Variants in PRH1 observed in about 807,000 individuals in gnomAD.
PRH1 encodes the protein proline rich protein HaeIII subfamily 1.
PRH1 carries 7 observed loss-of-function variants against 7.9 expected under a neutral mutation model. The ratio of observed to expected loss-of-function variants is 0.89; its 90% CI spans 0.50 to 1.67. The LOEUF is 1.67. Among genes scored for constraint, PRH1 ranks in the 40% most tolerant of loss-of-function variants. The pLI, the probability that PRH1 is intolerant of heterozygous loss-of-function variation, is 0.00. For synonymous variants in PRH1, 45 were observed against 80.8 expected, an observed-to-expected ratio of 0.56 and a Z score of 2.38; for missense variants, 109 against 223.6, an observed-to-expected ratio of 0.49 and a Z score of 3.27.
rs561660723 is a variant in PRH1 at position 11,030,292 on chromosome 12, T to C, written c.-126+16728A>G. ...GGTCAAAGGCTTTTCTAGGTATACG[T>C]TGGGAAATTATTCATACACATACAG... On this transcript the variant is annotated intron_variant, in intron 1 of 3. Transcript: ENST00000539853. 2.2e-5 allele frequency: 33 copies of C among 1,508,920 alleles called. No individual in the cohort carries two copies. In the African/African-American group the frequency reaches 2.7e-4, roughly 12 times the overall value. 93.5% of individuals were successfully genotyped at this position (1,508,920 alleles called of 1,614,324 possible).
intron 1 of PRH1, among the ~76,000 whole-genome samples, chr12:11,035,712 T>A (rs1042624307): frequency 1.6e-4 from 24 of 152,210 alleles, no homozygotes; most frequent in African/African-American, 5.8e-4. Context: ...ATTGATTTGA[T>A]GTCAGTAGCT....
intron 2 of PRH1, among the ~76,000 whole-genome samples, chr12:10,924,381 C>T (rs563592504): frequency 1.5e-4 from 23 of 152,278 alleles, no homozygotes; most frequent in Admixed American, 6.5e-4. Context: ...TTTTTCCTCA[C>T]GATTCTGTGA....
chr12:11,019,667 A>G (rs1432873966), intron 1 of PRH1, among the ~76,000 whole-genome samples: 1 of 152,290 alleles, frequency 6.6e-6, no homozygotes, highest in Non-Finnish European at 1.5e-5. Context: ...TATATCATTC[A>G]TAGTAGAAAG....
rs768870110 is a variant in PRH1, at chr12:10,884,188, C to G, written c.30G>C (p.Leu10=). 32 of 1,614,088 alleles carry G rather than the reference C, an allele frequency of 2.0e-5. No individual in the cohort carries two copies. Among genetic ancestry groups the G allele is most frequent in the Non-Finnish European group, 1.5e-5 (18 of 1,180,034 alleles). Residue 10 remains leucine (L), a synonymous_variant, in exon 1 of 4, where the codon CTG becomes CTC. Coordinates refer to ENST00000543626, the MANE Select transcript of PRH1 (RefSeq NM_001393989.1). The stretch of plus-strand genomic sequence containing the variant: ...AATCCTGAGCTGAGCTGAAGGCCAG[C>G]AGGGCCACTGACAGCAGAATCAGAA... MLLILLSVA[L]LAFSSAQDLN...
At chr12:10,975,411 G>C (rs1939042220) in intron 1 of PRH1, among the ~76,000 whole-genome samples, 1 of 152,112 alleles carries the variant, frequency 6.6e-6, no homozygotes, top group African/African-American at 2.4e-5. Context: ...CCTCACAAGG[G>C]GTCCTGAAGG....
At chr12:11,031,075 G>A (rs779833946) in intron 1 of PRH1, 2 of 1,614,296 alleles carry the variant, frequency 1.2e-6, no homozygotes, top group Non-Finnish European at 8.5e-7. Context: ...TTACTGCCCA[G>A]ACATTATAAG....
intron 1 of PRH1, chr12:10,997,068 T>G: frequency 6.2e-7 from 1 of 1,614,096 alleles, no homozygotes; most frequent in Non-Finnish European, 8.5e-7. Context: ...GATGGATATA[T>G]GATTCCAAAA....
At chr12:10,978,676 A>G (rs991365131) in intron 1 of PRH1, among the ~76,000 whole-genome samples, 2 of 152,206 alleles carry the variant, frequency 1.3e-5, no homozygotes, top group Non-Finnish European at 2.9e-5. Context: ...CTAACTATGC[A>G]TCTGACAAAG....
At chr12:10,935,571 C>T (rs916602095) in intron 2 of PRH1, among the ~76,000 whole-genome samples, 1 of 152,064 alleles carries the variant, frequency 6.6e-6, no homozygotes, top group Non-Finnish European at 1.5e-5. Context: ...TTGTACTTCT[C>T]CTCTACTCAG....
intron 1 of PRH1, among the ~76,000 whole-genome samples, chr12:11,012,225 C>T (rs548290509): frequency 1.2e-4 from 18 of 152,104 alleles, no homozygotes; most frequent in African/African-American, 4.3e-4. Context: ...TGTTAAAAAT[C>T]GGTCTTCAAT....
At chr12:11,006,796 C>T (rs968754616) in intron 1 of PRH1, among the ~76,000 whole-genome samples, 4 of 152,092 alleles carry the variant, frequency 2.6e-5, no homozygotes, top group Non-Finnish European at 2.9e-5. Context: ...AAAGCACCAG[C>T]ATATGCTAAT....
At chr12:10,890,751 C>G (rs985477326) in intron 2 of PRH1, among the ~76,000 whole-genome samples, 2 of 151,050 alleles carry the variant, frequency 1.3e-5, no homozygotes, top group Admixed American at 1.3e-4. Context: ...ATGGTGTGTG[C>G]CTGTTGTCCT....
intron 1 of PRH1, among the ~76,000 whole-genome samples, chr12:11,114,102 C>T (rs1388244608): frequency 6.6e-6 from 1 of 152,100 alleles, no homozygotes; most frequent in African/African-American, 2.4e-5. Context: ...TGTGGTGATT[C>T]CTCAAGGATC....
intron 2 of PRH1, among the ~76,000 whole-genome samples, chr12:10,928,083 G>T (rs1950148522): frequency 6.6e-6 from 1 of 152,004 alleles, no homozygotes; most frequent in East Asian, 1.9e-4. Context: ...AGTCATGTGG[G>T]GAGAAAAAAA....
chr12:10,938,316 G>A (rs1410000380), intron 2 of PRH1: 9 of 1,613,662 alleles, frequency 5.6e-6, no homozygotes, highest in African/African-American at 1.3e-5. Context: ...ATGTACCTCA[G>A]CCACAGTAGC....
In PRH1 at chr12:11,035,500, C is replaced by A. The variant is rs1224819268; in HGVS notation, c.-126+11520G>T. On this transcript the variant is annotated intron_variant, in intron 1 of 3. Coordinates refer to the PRH1 transcript ENST00000539853. The stretch of plus-strand genomic sequence containing the variant: ...TTAGAAGTAGAAATGAACTTTTGTT[C>A]TCCTTATATAAATCATTTTTCTAAC... Among the ~76,000 whole-genome samples the A allele has an allele frequency of 1.3e-5, 2 of 152,066 alleles. 1 individual carries two copies. Among genetic ancestry groups the A allele is most frequent in the Non-Finnish European group, 2.9e-5 (2 of 68,006 alleles).
At chr12:11,119,923 A>G (rs964501118), downstream of PRH1, among the ~76,000 whole-genome samples, 4 of 152,212 alleles carry the variant, frequency 2.6e-5, no homozygotes, top group Non-Finnish European at 5.9e-5. Context: ...TGGACTGGCT[A>G]TTTGTTTGGA....
intron 2 of PRH1, chr12:10,908,692 A>G: frequency 6.2e-7 from 1 of 1,613,892 alleles, no homozygotes; most frequent in Non-Finnish European, 8.5e-7. Context: ...TGCAGGGAGA[A>G]AATTAACAGG....
intron 1 of PRH1, among the ~76,000 whole-genome samples, chr12:11,123,484 C>T (rs796909649): frequency 6.6e-6 from 1 of 151,436 alleles, no homozygotes. Flanking sequence ...ATCAATTATA[C>T]AATTAATCCA....
Sources: gnomAD v4.1 joint callset for allele counts (sites outside exome capture counted in the v4.1 genomes callset) on GRCh38, gnomAD v4.1.1 for gene constraint, MANE v1.5 for transcripts, NCBI Gene and HGNC (gene_info 2026-07-23, HGNC 2026-07-21) for gene names.